The following UTP6 variants were observed in gnomAD, a reference collection of about 807,000 sequenced individuals.
UTP6 encodes UTP6 small subunit processome component.
In UTP6, 60 loss-of-function variants were observed where a neutral mutation model predicts 96.5. That is an observed-to-expected ratio of 0.62 (90% CI 0.51 to 0.77). UTP6 has a LOEUF of 0.77. UTP6 is among the 30% of genes least tolerant of loss of function. The probability of loss-of-function intolerance (pLI) is 0.00; values close to 1 mark genes in which losing one functional copy is unlikely to be tolerated. For missense variants in UTP6, 637 were observed against 706.5 expected (o/e 0.90, Z 1.12); for synonymous variants, 215 against 240.1 (o/e 0.90, Z 0.96).
intron 6 of UTP6, among the ~76,000 whole-genome samples, chr17:31,891,341 G>C (rs1911477656): frequency 6.6e-6 from 1 of 152,158 alleles, no homozygotes; most frequent in Non-Finnish European, 1.5e-5. Context: ...CCTCATACCT[G>C]AACAGTCACC....
chr17:31,895,898 G>T (rs1904608162), intron 2 of UTP6, among the ~76,000 whole-genome samples: 1 of 151,472 alleles, frequency 6.6e-6, no homozygotes, highest in Non-Finnish European at 1.5e-5. Flanking sequence ...GAGGCTGGTG[G>T]TGTGTGCCTG....
chr17:31,892,990 T>C (rs1249334154), intron 4 of UTP6, among the ~76,000 whole-genome samples, 196 bp from the exon 5 acceptor site: 2 of 152,090 alleles, frequency 1.3e-5, no homozygotes, highest in Non-Finnish European at 2.9e-5. Flanking sequence ...CTGGCCAACA[T>C]GGTGAAACCC....
chr17:31,894,811 T>G, intron 3 of UTP6, 74 bp from the exon 4 acceptor site: 1 of 1,373,998 alleles, frequency 7.3e-7, no homozygotes, highest in South Asian at 1.2e-5. Flanking sequence ...ACTTGACCAC[T>G]TAATGGTACT....
chr17:31,864,601 T>G (rs1909712077), intron 18 of UTP6, among the ~76,000 whole-genome samples: 1 of 152,118 alleles, frequency 6.6e-6, no homozygotes. Flanking sequence ...CATGCAAATC[T>G]TTCTCTAATC....
intron 14 of UTP6, chr17:31,874,073 G>T (rs1488394080): frequency 7.6e-6 from 2 of 261,526 alleles, no homozygotes; most frequent in Admixed American, 5.4e-5. Flanking sequence ...CTTTCTATTG[G>T]GAAATATTTC....
At position 31,873,759 on chromosome 17, in the gene UTP6, C is replaced by T. The variant is rs1178962062; in HGVS notation, c.1306-6G>A. On this transcript the variant is annotated splice_region_variant and splice_polypyrimidine_tract_variant and intron_variant, in intron 14 of 18. Coordinates refer to ENST00000261708, the MANE Select transcript of UTP6 (RefSeq NM_018428.3). ...ATCCACAATGGCAGACAAACCTACT[C>T]CCAGTTTAAAAAATGTTAGTTAGAG... 1 of 1,601,932 alleles carries T rather than the reference C, an allele frequency of 6.2e-7. No homozygotes were observed. Among genetic ancestry groups the T allele is most frequent in the Non-Finnish European group, 8.5e-7 (1 of 1,177,444 alleles).
At chr17:31,891,761 G>A (rs2142319091) in intron 6 of UTP6, among the ~76,000 whole-genome samples, 1 of 152,266 alleles carries the variant, frequency 6.6e-6, no homozygotes, top group East Asian at 1.9e-4. Context: ...GGTGGCTCAC[G>A]CCTGTAATCC....
rs1369790244 is a variant in UTP6, at chr17:31,882,313, G to T, written c.786-1559C>A. On this transcript the variant is annotated intron_variant, in intron 10 of 18. Coordinates refer to ENST00000261708, the MANE Select transcript of UTP6 (RefSeq NM_018428.3). ...TCCCAAGTGCTGGGATTACAGGCAT[G>T]AGCCACTGCATCTGTTTTTTTTTTT... 2.8e-5 allele frequency among the ~76,000 whole-genome samples: 4 copies of T among 142,080 alleles called. No individual in the cohort carries two copies. The East Asian group carries it at 6.3e-4, about 22-fold the overall frequency. 93.2% of individuals were successfully genotyped at this position (142,080 alleles called of 152,430 possible). A position where few individuals can be genotyped will look rare whatever the true frequency, so the allele number is the denominator to read the frequency against.
intron 4 of UTP6, among the ~76,000 whole-genome samples, chr17:31,893,848 TCCC>T (rs1567792667): frequency 6.6e-6 from 1 of 151,774 alleles, no homozygotes; most frequent in Non-Finnish European, 1.5e-5. Flanking sequence ...ATTCAACCTT[TCCC>T]CCAACTCCCA....
intron 4 of UTP6, among the ~76,000 whole-genome samples, chr17:31,894,268 CAAA>C (rs1179270340): frequency 1.6e-4 from 10 of 62,988 alleles, no homozygotes; most frequent in Admixed American, 3.6e-4. Context: ...GACCTTATCT[CAAA>C]AAAAAAAAAA....
intron 14 of UTP6, 122 bp downstream of exon 14, chr17:31,875,112 C>T: frequency 4.4e-6 from 5 of 1,125,512 alleles, no homozygotes; most frequent in Middle Eastern, 3.1e-4. Flanking sequence ...GAACCATCAC[C>T]ACTGAATAGC....
At chr17:31,892,622 C>T (rs1301449935) in intron 5 of UTP6, 125 bp downstream of exon 5, 15 of 1,097,398 alleles carry the variant, frequency 1.4e-5, no homozygotes, top group African/African-American at 3.2e-5. Context: ...ATTGATGTTC[C>T]GCCTTCTTGG....
At chr17:31,867,849 C>T (rs34787070) in intron 17 of UTP6, among the ~76,000 whole-genome samples, 197 bp downstream of exon 17, 2 of 151,688 alleles carry the variant, frequency 1.3e-5, no homozygotes, top group East Asian at 3.9e-4. Context: ...CCAGCTACTC[C>T]GGGGGGCTGA....
At chr17:31,877,690 A>C (rs1363974799) in intron 13 of UTP6, among the ~76,000 whole-genome samples, 1 of 151,974 alleles carries the variant, frequency 6.6e-6, no homozygotes, top group East Asian at 1.9e-4. Flanking sequence ...AAATTTGGCC[A>C]GGCATGATGG....
chr17:31,875,519 C>T, intron 13 of UTP6, 106 bp from the exon 14 acceptor site: 2 of 1,299,444 alleles, frequency 1.5e-6, no homozygotes, highest in South Asian at 3.0e-5. Context: ...CCAACCTTTC[C>T]ACTACAATTT....
chr17:31,873,445 T>C lies in UTP6; in HGVS notation c.1429A>G (p.Lys477Glu). The C allele has an allele frequency of 3.7e-6, 6 of 1,614,160 alleles. 1 individual carries two copies. In the South Asian group the frequency reaches 6.6e-5, roughly 18 times the overall value. ...AVIGADSVTL[K>E]NKYLDWAYRS... ...TAAGCCCAATCCAGGTACTTATTCTTCAGGGTTACTGAGTCGGCACCTATG... is the reference window on the plus strand; with the variant it reads ...TAAGCCCAATCCAGGTACTTATTCTCCAGGGTTACTGAGTCGGCACCTATG... The change falls in exon 16 of 19, where the codon AAG (lysine) becomes GAG (glutamate). Residue 477 changes from lysine (K) to glutamate (E), a missense_variant. Lys to Glu is a moderately conservative substitution (Grantham distance 56). Coordinates refer to ENST00000261708, the MANE Select transcript of UTP6 (RefSeq NM_018428.3).
At position 31,861,234 on chromosome 17, in the gene UTP6, A is replaced by G. The variant is rs1909548536; in HGVS notation, c.*2125T>C. ...GGACCACAGAGCAAGACTCTGTCTC[A>G]AAAAAAAAAAATCACCACAAACAAG... On this transcript the variant is annotated 3_prime_UTR_variant, in exon 19 of 19. Transcript: ENST00000261708. 1 of 118,958 alleles carries G rather than the reference A, an allele frequency of 8.4e-6. No individual in the cohort carries two copies. The highest frequency in any genetic ancestry group is 8.8e-5 in the Admixed American group (1 of 11,426). The allele number at this position is 118,958 out of a possible 1,614,324, so 7.4% of individuals were successfully genotyped here.
In UTP6 at chr17:31,868,075, T is replaced by C. The variant is rs1909927660; in HGVS notation, c.1534A>G (p.Arg512Gly). 6.2e-7 allele frequency: 1 copy of C among 1,613,420 alleles called. No individual in the cohort carries two copies. Among genetic ancestry groups the C allele is most frequent in the Non-Finnish European group, 8.5e-7 (1 of 1,179,568 alleles). ...TCCTTTTCAAACTGAATCATTTTCC[T>C]GAAAAAGTCAACTGAAAATGGTCGG... is the stretch of plus-strand genomic sequence containing the variant. Reference protein sequence around the residue: ...ESRPFSVDFFRKMIQFEKEQE... With the variant: ...ESRPFSVDFFGKMIQFEKEQE... Residue 512 changes from arginine to glycine, a missense_variant, in exon 17 of 19, where the codon AGG (arginine) becomes GGG (glycine). Physicochemically the swap from Arg to Gly is moderately radical, Grantham distance 125. Coordinates refer to ENST00000261708, the MANE Select transcript of UTP6 (RefSeq NM_018428.3).
At chr17:31,888,616 A>G (rs1003537589) in intron 7 of UTP6, among the ~76,000 whole-genome samples, 9 of 152,164 alleles carry the variant, frequency 5.9e-5, no homozygotes, top group Non-Finnish European at 1.2e-4. Context: ...AATTGCTTGA[A>G]CCCAGGAGGT....
Sources: gnomAD v4.1 joint callset for allele counts (sites outside exome capture counted in the v4.1 genomes callset) on GRCh38, gnomAD v4.1.1 for gene constraint, MANE v1.5 for transcripts, NCBI Gene and HGNC (gene_info 2026-07-23, HGNC 2026-07-21) for gene names.